WNK2: variants seen among roughly 807,000 people sequenced by gnomAD.
The protein encoded by WNK2 is serine/threonine-protein kinase WNK2.
In WNK2, 67 loss-of-function variants were observed where a neutral mutation model predicts 192.1. The observed-to-expected ratio is 0.35, with a 90% CI of 0.29 to 0.43. The LOEUF is 0.43. Among genes scored for constraint, WNK2 ranks in the 20% least tolerant of loss-of-function variants. WNK2 has a pLI of 1.00. For missense variants in WNK2, 2,698 were observed against 3,089.7 expected (o/e 0.87, Z 3.01); for synonymous variants, 1,439 against 1,393.9 (o/e 1.03, Z -0.72).
Position 93,278,342 on chromosome 9 carries a change from G to T in WNK2, c.4033+9596G>T, listed in dbSNP as rs1186480490. ...GATGATTTCGCAGAGCACTGTGTGT[G>T]AGGAAACTCACCCAGGCTGAGGAAT... On this transcript the variant is annotated intron_variant, in intron 19 of 29. Coordinates refer to ENST00000427277, the MANE Select transcript of WNK2 (RefSeq NM_006648.4). Among the ~76,000 whole-genome samples, 2 of 152,208 alleles carry T rather than the reference G, an allele frequency of 1.3e-5. 1 individual carries two copies. The highest frequency in any genetic ancestry group is 3.9e-4 in the East Asian group (2 of 5,194).
At position 93,268,065 on chromosome 9, in the gene WNK2, G is replaced by T; in HGVS notation, c.3913G>T (p.Val1305Phe). The T allele has an allele frequency of 6.2e-7, 1 of 1,609,880 alleles. No homozygotes were observed. The highest frequency in any genetic ancestry group is 8.5e-7 in the Non-Finnish European group (1 of 1,178,260). ...QANAPVYQQN[V>F]LHTGKRWFII... ...CAACGCCCCCGTGTATCAGCAGAAC[G>T]GTGAGTCTGCAACTTCCCTCCCTGC... is the stretch of plus-strand genomic sequence containing the variant. Residue 1305 changes from valine (V) to phenylalanine (F), a missense_variant and splice_region_variant, in exon 18 of 30, where the codon GTC (valine) becomes TTC (phenylalanine). Transcript: ENST00000427277.
In WNK2 at chr9:93,263,650, G is replaced by A. The variant is rs781578900; in HGVS notation, c.3495G>A (p.Arg1165=). Residue 1165 remains arginine, a synonymous_variant, in exon 15 of 30, where the codon AGG becomes AGA. Transcript: ENST00000427277. ...TTGGAGGGGGCAGGCTGGAGGGCAG[G>A]GCAGCCCGAAAACACCACCGCAGGT... ...GAFGGGRLEG[R]AARKHHRRST... is the part of the protein sequence containing the mutation. The A allele has an allele frequency of 6.2e-7, 1 of 1,602,348 alleles. No individual in the cohort carries two copies. Among genetic ancestry groups the A allele is most frequent in the Non-Finnish European group, 8.5e-7 (1 of 1,177,036 alleles).
At position 93,259,082 on chromosome 9, in the gene WNK2, C is replaced by T. The variant is rs770746174; in HGVS notation, c.2534C>T (p.Ala845Val). 1.9e-6 allele frequency: 3 copies of T among 1,613,022 alleles called. No homozygotes were observed. In the African/African-American group the frequency reaches 4.0e-5, roughly 22 times the overall value. ...GCCGTGATCTTGCCGAGCCTCGCTG[C>T]CCCACTCCCCCCTGCGTCCCCAGCC... ...SPAVILPSLA[A>V]PLPPASPALP... Residue 845 changes from alanine to valine, a missense_variant, in exon 12 of 30, where the codon GCC (alanine) becomes GTC (valine). Transcript: ENST00000427277. This position sits in a 1 kb window ranked among gnomAD's most constrained non-coding sequence, Gnocchi z 4.8.
In WNK2 at chr9:93,262,026, A is replaced by T; in HGVS notation, c.3279A>T (p.Pro1093=). The T allele has an allele frequency of 6.2e-7, 1 of 1,611,370 alleles. No individual in the cohort carries two copies. The highest frequency in any genetic ancestry group is 8.5e-7 in the Non-Finnish European group (1 of 1,178,990). Residue 1093 remains proline, a synonymous_variant, in exon 13 of 30, where the codon CCA becomes CCT. Coordinates refer to ENST00000427277, the MANE Select transcript of WNK2 (RefSeq NM_006648.4). ...VPTQTATLLP[P]ANPPLPGGPG... ...CCCAGACTGCCACACTTCTGCCACC[A>T]GCAAACCCACCGCTGCCTGGCGGGC... is the stretch of plus-strand genomic sequence containing the variant.
At chr9:93,238,803 G>A (rs1020284126) in intron 6 of WNK2, among the ~76,000 whole-genome samples, 2 of 152,140 alleles carry the variant, frequency 1.3e-5, no homozygotes, top group Non-Finnish European at 2.9e-5. Flanking sequence ...AAAATAGCAG[G>A]CCTGGAACCG....
intron 2 of WNK2, among the ~76,000 whole-genome samples, chr9:93,209,829 A>G (rs555018334): frequency 6.6e-6 from 1 of 152,254 alleles, no homozygotes; most frequent in Admixed American, 6.5e-5. Flanking sequence ...GAGATTCTCC[A>G]TGTCATCCTC....
intron 2 of WNK2, among the ~76,000 whole-genome samples, chr9:93,191,153 A>G (rs10739944): frequency 0.78 from 118,310 of 151,866 alleles, 46,501 homozygotes; most frequent in Non-Finnish European, 0.83. Flanking sequence ...GTCAGCGGGA[A>G]GATCTCGTGG....
chr9:93,317,561 C>G lies in WNK2; in HGVS notation c.6558C>G (p.Pro2186=). The G allele has an allele frequency of 6.2e-7, 1 of 1,613,628 alleles. No individual in the cohort carries two copies. The highest frequency in any genetic ancestry group is 8.5e-7 in the Non-Finnish European group (1 of 1,179,894). ...CAGGAGTGGGGATGCCACGTCTGCC[C>G]CCAGCGCCCGGCCCTCTGTCCACCA... ...PRAGVGMPRL[P]PAPGPLSTTV... Residue 2186 remains proline (P), a synonymous_variant, in exon 29 of 30, where the codon CCC becomes CCG. Coordinates refer to ENST00000427277, the MANE Select transcript of WNK2 (RefSeq NM_006648.4).
At chr9:93,202,605 C>T (rs953347159) in intron 2 of WNK2, among the ~76,000 whole-genome samples, 24 of 150,496 alleles carry the variant, frequency 1.6e-4, no homozygotes, top group Non-Finnish European at 2.5e-4. Flanking sequence ...AAAAGGGTTC[C>T]GCTGTGTTTT....
Position 93,289,068 on chromosome 9 carries a change from G to C in WNK2, c.4314G>C (p.Glu1438Asp). The change falls in exon 20 of 30, where the codon GAG becomes GAC. Residue 1438 changes from glutamate to aspartate, a missense_variant. Physicochemically the swap from Glu to Asp is conservative, Grantham distance 45. This residue lies in a region of WNK2 where 1,098 missense variants were observed against 1,101.0 expected (regional missense o/e 1.00). Transcript: ENST00000427277. ...SELETSQPLA[E>D]THEAPLAVQP... is the part of the protein sequence containing the mutation. ...TCGAGACGTCTCAGCCACTAGCGGA[G>C]ACTCACGAGGCCCCGCTTGCTGTGC... 1 of 1,607,412 alleles carries C rather than the reference G, an allele frequency of 6.2e-7. No individual in the cohort carries two copies. Among genetic ancestry groups the C allele is most frequent in the Non-Finnish European group, 8.5e-7 (1 of 1,177,444 alleles).
At chr9:93,256,663 G>T (rs897956311) in intron 10 of WNK2, 16 of 683,330 alleles carry the variant, frequency 2.3e-5, no homozygotes, top group Non-Finnish European at 3.3e-5. Context: ...GTTTGTGTGC[G>T]TGCATAGTGT....
At chr9:93,213,473 A>G (rs1252078779) in intron 2 of WNK2, among the ~76,000 whole-genome samples, 1 of 152,192 alleles carries the variant, frequency 6.6e-6, no homozygotes, top group African/African-American at 2.4e-5. Context: ...GCACTTACAA[A>G]TTCGTTATAG....
Position 93,256,324 on chromosome 9 carries a change from C to T in WNK2, c.2060C>T (p.Pro687Leu), listed in dbSNP as rs201601244. Residue 687 changes from proline to leucine, a missense_variant, in exon 10 of 30, where the codon CCG becomes CTG. Around this residue, in one of 7 missense-constraint regions of WNK2, gnomAD observed 893 missense variants for 909.0 expected, o/e 0.98. Coordinates refer to ENST00000427277, the MANE Select transcript of WNK2 (RefSeq NM_006648.4). ...CCTGGCTTGCCGGTGGGCTCTGTCC[C>T]GGCCCCCGCCTGCCCTCCGTCCCTC... Reference protein sequence around the residue: ...AAPGLPVGSVPAPACPPSLQQ... With the variant: ...AAPGLPVGSVLAPACPPSLQQ... 4.0e-4 allele frequency: 632 copies of T among 1,579,926 alleles called. No individual in the cohort carries two copies. The highest frequency in any genetic ancestry group is 5.1e-4 in the Non-Finnish European group (601 of 1,169,946).
rs537963637 is a variant in WNK2 at position 93,239,055 on chromosome 9, T to G, written c.1323-702T>G. ...AGAGTGCGTGCTGTGTGGTTCCATT[T>G]ATAGGGTAAAGGGGGTTATAGGTTA... On this transcript the variant is annotated intron_variant, in intron 6 of 29. Transcript: ENST00000427277. This position sits in a 1 kb window ranked among gnomAD's most constrained non-coding sequence, Gnocchi z 4.2. Among the ~76,000 whole-genome samples the G allele has an allele frequency of 5.9e-5, 9 of 152,290 alleles. No homozygotes were observed. The South Asian group carries it at 1.7e-3, about 28-fold the overall frequency.
chr9:93,299,071 T>C lies in WNK2; in HGVS notation c.5925T>C (p.Gly1975=). The C allele has an allele frequency of 6.2e-7, 1 of 1,609,250 alleles. No homozygotes were observed. Among genetic ancestry groups the C allele is most frequent in the Non-Finnish European group, 8.5e-7 (1 of 1,178,864 alleles). The change falls in exon 25 of 30, where the codon GGT becomes GGC. Residue 1975 remains glycine, a splice_region_variant and synonymous_variant. Transcript: ENST00000427277. ...GTCGCCTCTTCTCCCCCCGCCCAGG[T>C]CACTTGGCTGACTCCAGCAGAGGCC... ...RQLKVVASST[G]HLADSSRGPP...
intron 21 of WNK2, 97 bp downstream of exon 21, chr9:93,290,144 A>C: frequency 9.1e-7 from 1 of 1,095,594 alleles, no homozygotes; most frequent in Admixed American, 2.5e-5. Flanking sequence ...TCATCTGTTA[A>C]GGCATAAAAG....
At chr9:93,245,103 A>G (rs1226116942) in intron 7 of WNK2, among the ~76,000 whole-genome samples, 1 of 152,046 alleles carries the variant, frequency 6.6e-6, no homozygotes, top group Non-Finnish European at 1.5e-5. Flanking sequence ...ATTCTGTGGA[A>G]AAAAATTGTC....
intron 2 of WNK2, among the ~76,000 whole-genome samples, chr9:93,190,562 A>G (rs574292563): frequency 5.6e-4 from 86 of 152,352 alleles, no homozygotes; most frequent in African/African-American, 2.0e-3. Flanking sequence ...TTGATTTGCC[A>G]TTGCCAAAGC....
chr9:93,309,309 AC>A (rs1417742572), intron 28 of WNK2: 1 of 179,970 alleles, frequency 5.6e-6, no homozygotes, highest in Admixed American at 6.5e-5. Flanking sequence ...AGGACCCACT[AC>A]GTACACTCTA....
Sources: gnomAD v4.1 joint callset for allele counts (sites outside exome capture counted in the v4.1 genomes callset) on GRCh38, gnomAD v4.1.1 for gene constraint, gnomAD v4.1.1 regional missense constraint, Gnocchi (gnomAD v3.1) non-coding constraint, MANE v1.5 for transcripts, NCBI Gene and HGNC (gene_info 2026-07-23, HGNC 2026-07-21) for gene names.